GPC3: variants seen among roughly 807,000 people sequenced by gnomAD.
The protein encoded by GPC3 is glypican 3.
GPC3 carries 3 observed loss-of-function variants against 34.4 expected under a neutral mutation model. The observed-to-expected ratio is 0.09, with a 90% CI of 0.04 to 0.23. GPC3 has a LOEUF of 0.23. GPC3 is among the 10% of genes least tolerant of loss of function. GPC3 has a pLI of 1.00. For synonymous variants in GPC3, 177 were observed against 174.0 expected, an observed-to-expected ratio of 1.02 and a Z score of -0.13; for missense variants, 351 against 445.6, an observed-to-expected ratio of 0.79 and a Z score of 1.91.
chrX:133,935,622 G>A (rs1423816374), intron 2 of GPC3, among the ~76,000 whole-genome samples: 1 of 111,053 alleles, frequency 9.0e-6, no homozygotes, highest in Non-Finnish European at 1.9e-5. Flanking sequence ...CAGTGCTCAC[G>A]TTATATTTGA....
chrX:133,974,105 C>T (rs1280599058), intron 1 of GPC3, among the ~76,000 whole-genome samples: 3 of 112,004 alleles, frequency 2.7e-5, no homozygotes, highest in Non-Finnish European at 3.8e-5. Context: ...GGCTGGAGTG[C>T]AGTGCCGTGA....
intron 2 of GPC3, among the ~76,000 whole-genome samples, chrX:133,755,459 C>T (rs1761933247): frequency 8.9e-6 from 1 of 112,132 alleles, no homozygotes; most frequent in South Asian, 3.7e-4. Flanking sequence ...TAGATTCTTC[C>T]CTTGGGCTTA....
intron 6 of GPC3, among the ~76,000 whole-genome samples, chrX:133,619,312 T>C (rs1434843753): frequency 8.9e-6 from 1 of 112,158 alleles, no homozygotes; most frequent in Non-Finnish European, 1.9e-5. Flanking sequence ...TTACATATAA[T>C]CCAGCAATTC....
chrX:133,604,161 T>C (rs2070020523), intron 6 of GPC3, among the ~76,000 whole-genome samples: 1 of 111,319 alleles, frequency 9.0e-6, no homozygotes, highest in African/African-American at 3.3e-5. Flanking sequence ...TCAGTAACCT[T>C]ACCAAGTTAC....
chrX:133,758,121 C>A (rs1215125605), intron 2 of GPC3, among the ~76,000 whole-genome samples: 1 of 111,709 alleles, frequency 9.0e-6, no homozygotes, highest in Non-Finnish European at 1.9e-5. Context: ...TAAGTTCAAC[C>A]ATTGTGGACG....
At chrX:133,918,567 T>G (rs899751625) in intron 2 of GPC3, among the ~76,000 whole-genome samples, 1 of 112,368 alleles carries the variant, frequency 8.9e-6, no homozygotes, top group Non-Finnish European at 1.9e-5. Flanking sequence ...TCCAAAGCAA[T>G]GTTTACAAAC....
intron 2 of GPC3, among the ~76,000 whole-genome samples, chrX:133,843,899 A>G (rs1179345748): frequency 4.5e-5 from 5 of 112,192 alleles, no homozygotes; most frequent in Admixed American, 3.8e-4. Flanking sequence ...CCTGTTCTTT[A>G]TTACATAGCT....
chrX:133,808,730 C>T (rs1171147067), intron 2 of GPC3, among the ~76,000 whole-genome samples: 1 of 103,395 alleles, frequency 9.7e-6, no homozygotes, highest in African/African-American at 3.9e-5. Context: ...ATTTAAAGTG[C>T]CCAGGACATG....
chrX:133,877,630 A>C (rs1010910082), intron 2 of GPC3, among the ~76,000 whole-genome samples: 2 of 112,438 alleles, frequency 1.8e-5, no homozygotes, highest in Admixed American at 9.5e-5. Flanking sequence ...TTTATGCACC[A>C]GAATGTTAAT....
intron 2 of GPC3, among the ~76,000 whole-genome samples, chrX:133,786,751 T>C (rs1242884082): frequency 1.8e-5 from 2 of 111,841 alleles, no homozygotes; most frequent in Admixed American, 9.4e-5. Flanking sequence ...GCTGAGTTTT[T>C]TTTTCTTTTT....
intron 2 of GPC3, among the ~76,000 whole-genome samples, chrX:133,787,400 T>G (rs779482555): frequency 8.9e-6 from 1 of 112,729 alleles, no homozygotes; most frequent in South Asian, 3.7e-4. Context: ...AAGCAATGAT[T>G]AACTTTCAGG....
intron 5 of GPC3, among the ~76,000 whole-genome samples, chrX:133,686,580 T>C (rs1050285304): frequency 1.8e-5 from 2 of 111,000 alleles, no homozygotes; most frequent in African/African-American, 6.6e-5. Flanking sequence ...AAGCAGATTG[T>C]TGCTTGCCAG....
intron 6 of GPC3, among the ~76,000 whole-genome samples, chrX:133,657,918 G>GAC (rs1185728960): frequency 3.7e-5 from 4 of 109,113 alleles, no homozygotes; most frequent in Admixed American, 2.0e-4. Context: ...GAGAGAGAGA[G>GAC]AGAGAGAGAG....
chrX:133,657,898 CAG>C (rs749162174), intron 6 of GPC3, among the ~76,000 whole-genome samples: 2,200 of 84,981 alleles, frequency 0.026, 25 homozygotes, highest in African/African-American at 0.036. Flanking sequence ...GGCATACATG[CAG>C]AGAGAGAGAG....
At chrX:133,669,427 G>A (rs762185391) in intron 5 of GPC3, among the ~76,000 whole-genome samples, 38 of 112,033 alleles carry the variant, frequency 3.4e-4, no homozygotes, top group Non-Finnish European at 6.6e-4. Flanking sequence ...GAAGTCAATC[G>A]ATGAAGGGTG....
At chrX:133,867,315 A>G (rs1163239618) in intron 2 of GPC3, among the ~76,000 whole-genome samples, 2 of 111,784 alleles carry the variant, frequency 1.8e-5, no homozygotes, top group African/African-American at 6.5e-5. Context: ...TCACTGAACT[A>G]GACATTGAAT....
intron 3 of GPC3, among the ~76,000 whole-genome samples, chrX:133,752,745 G>A (rs776315857): frequency 1.8e-5 from 2 of 112,126 alleles, no homozygotes; most frequent in Non-Finnish European, 3.8e-5. Context: ...ATATAATCAA[G>A]GCTATAAACA....
At chrX:133,952,970 T>C (rs2076399571) in intron 2 of GPC3, 80 bp downstream of exon 2, 1 of 844,928 alleles carries the variant, frequency 1.2e-6, no homozygotes, top group Non-Finnish European at 1.8e-6. Context: ...AATTTATAAA[T>C]TATACTTAGT....
chrX:133,756,951 C>G (rs1032505959), intron 2 of GPC3, among the ~76,000 whole-genome samples: 1 of 112,194 alleles, frequency 8.9e-6, no homozygotes, highest in Non-Finnish European at 1.9e-5. Context: ...TTCTTGGCAA[C>G]TTAAGGTTTC....
Sources: allele counts gnomAD v4.1 joint callset (sites outside exome capture counted in the v4.1 genomes callset), GRCh38; gene constraint gnomAD v4.1.1; transcripts MANE v1.5; gene names NCBI Gene and HGNC (gene_info 2026-07-23, HGNC 2026-07-21).